The following UQCC1 variants were observed in gnomAD, a reference collection of about 807,000 sequenced individuals.
The protein encoded by UQCC1 is bFGF-repressed Zic-binding protein.
Under a neutral mutation model 48.0 loss-of-function variants are expected in UQCC1, and 38 were observed. The ratio of observed to expected loss-of-function variants is 0.79; its 90% CI spans 0.61 to 1.04. The LOEUF is 1.04. Ranked by LOEUF, UQCC1 falls within the 50% of genes least tolerant of loss-of-function variation. The probability of loss-of-function intolerance (pLI) is 0.00; values close to 1 mark genes in which losing one functional copy is unlikely to be tolerated. For synonymous variants in UQCC1, 111 were observed against 129.2 expected, an observed-to-expected ratio of 0.86 and a Z score of 0.95; for missense variants, 368 against 381.8, an observed-to-expected ratio of 0.96 and a Z score of 0.30.
intron 7 of UQCC1, among the ~76,000 whole-genome samples, chr20:35,342,863 C>T (rs192090407): frequency 6.6e-6 from 1 of 152,274 alleles, no homozygotes; most frequent in Admixed American, 6.5e-5. Flanking sequence ...TTAACACCTG[C>T]TTTTTGTACC....
chr20:35,400,705 C>A lies in UQCC1; in HGVS notation c.25-6509G>T, dbSNP rs563857332. Among the ~76,000 whole-genome samples the A allele has an allele frequency of 2.3e-4, 35 of 152,078 alleles. No homozygotes were observed. The South Asian group carries it at 7.1e-3, about 31-fold the overall frequency. On this transcript the variant is annotated intron_variant, in intron 1 of 9. Coordinates refer to ENST00000374385, the MANE Select transcript of UQCC1 (RefSeq NM_018244.5). ...AGAGATGGGGTTTCACCATGTTCGC[C>A]AGGATGGTCTTGATCTCCTGACCTT...
rs202205363 is a variant in UQCC1, at chr20:35,306,795, C to T, written c.652-16G>A. On this transcript the variant is annotated splice_polypyrimidine_tract_variant and intron_variant, in intron 8 of 9. Coordinates refer to ENST00000374385, the MANE Select transcript of UQCC1 (RefSeq NM_018244.5). ...AAAGGATCCCCTGGAACATACAGCACAGCAGTGGTCTCCTGAGGGATCCAC... is the reference window on the plus strand; with the variant it reads ...AAAGGATCCCCTGGAACATACAGCATAGCAGTGGTCTCCTGAGGGATCCAC... The T allele has an allele frequency of 1.5e-4, 239 of 1,592,206 alleles. 1 individual carries two copies. In the African/African-American group the frequency reaches 3.0e-3, roughly 20 times the overall value.
At chr20:35,337,390 T>C (rs1219233519) in intron 7 of UQCC1, among the ~76,000 whole-genome samples, 1 of 152,148 alleles carries the variant, frequency 6.6e-6, no homozygotes, top group Non-Finnish European at 1.5e-5. Context: ...GGTTTCACCA[T>C]GTTGGCCAGG....
chr20:35,366,481 C>T, intron 6 of UQCC1, 76 bp downstream of exon 6: 1 of 1,321,054 alleles, frequency 7.6e-7, no homozygotes, highest in African/African-American at 1.5e-5. Flanking sequence ...AATCAGCCCT[C>T]CTGAAGGCTA....
At chr20:35,379,300 A>G (rs2146475351) in intron 4 of UQCC1, among the ~76,000 whole-genome samples, 1 of 152,382 alleles carries the variant, frequency 6.6e-6, no homozygotes, top group East Asian at 1.9e-4. Context: ...TGATGTGGAC[A>G]GACATGCAGG....
chr20:35,360,771 A>G (rs1460289195), intron 6 of UQCC1, among the ~76,000 whole-genome samples: 2 of 152,196 alleles, frequency 1.3e-5, no homozygotes, highest in Non-Finnish European at 2.9e-5. Context: ...CCCAGGACAC[A>G]GATAGTGAGC....
intron 8 of UQCC1, among the ~76,000 whole-genome samples, chr20:35,312,967 G>T (rs1312383018): frequency 1.3e-5 from 2 of 152,190 alleles, no homozygotes; most frequent in Non-Finnish European, 2.9e-5. Context: ...GAAAAGCTCT[G>T]GAGATGAATG....
intron 7 of UQCC1, among the ~76,000 whole-genome samples, chr20:35,341,159 T>C (rs1332366564): frequency 6.1e-5 from 9 of 146,598 alleles, no homozygotes; most frequent in Non-Finnish European, 1.2e-4. Flanking sequence ...AGGCAGAGGT[T>C]GCAGTGAGCC....
At chr20:35,401,167 T>C (rs1419024011) in intron 1 of UQCC1, among the ~76,000 whole-genome samples, 1 of 152,228 alleles carries the variant, frequency 6.6e-6, no homozygotes, top group Non-Finnish European at 1.5e-5. Flanking sequence ...CTTGTTTTAT[T>C]GGTTTCTGTT....
At chr20:35,348,816 G>C (rs1054145413) in intron 6 of UQCC1, among the ~76,000 whole-genome samples, 2 of 152,110 alleles carry the variant, frequency 1.3e-5, no homozygotes, top group Non-Finnish European at 2.9e-5. Flanking sequence ...ACCACGCCCA[G>C]CTAATTTTTT....
At chr20:35,324,510 T>C (rs570936825) in intron 7 of UQCC1, among the ~76,000 whole-genome samples, 4 of 152,286 alleles carry the variant, frequency 2.6e-5, no homozygotes, top group East Asian at 1.9e-4. Context: ...GTATTTTTAG[T>C]AGAGACGGGG....
At chr20:35,355,809 G>C (rs1316398790) in intron 6 of UQCC1, among the ~76,000 whole-genome samples, 1 of 149,572 alleles carries the variant, frequency 6.7e-6, no homozygotes, top group African/African-American at 2.5e-5. Context: ...ACAAGTTTAT[G>C]TATGTGTGTA....
intron 1 of UQCC1, among the ~76,000 whole-genome samples, chr20:35,405,194 A>G (rs1347731232): frequency 1.3e-5 from 2 of 152,220 alleles, no homozygotes; most frequent in African/African-American, 2.4e-5. Flanking sequence ...GCTTCCAGGC[A>G]GTGAGAACAG....
At chr20:35,352,101 G>C (rs1404120748) in intron 6 of UQCC1, among the ~76,000 whole-genome samples, 1 of 152,254 alleles carries the variant, frequency 6.6e-6, no homozygotes, top group Non-Finnish European at 1.5e-5. Context: ...TGGCTGAGTA[G>C]AATCAGAGAA....
intron 7 of UQCC1, among the ~76,000 whole-genome samples, chr20:35,332,662 AC>A (rs1215758408): frequency 1.3e-5 from 2 of 152,228 alleles, no homozygotes; most frequent in Non-Finnish European, 2.9e-5. Context: ...AGCTCCCCAC[AC>A]CAGACAGGTT....
At chr20:35,330,038 G>A (rs1482372749) in intron 7 of UQCC1, among the ~76,000 whole-genome samples, 3 of 152,224 alleles carry the variant, frequency 2.0e-5, no homozygotes, top group African/African-American at 7.2e-5. Context: ...GACTCTGTGA[G>A]TTCACTCACT....
intron 7 of UQCC1, among the ~76,000 whole-genome samples, chr20:35,333,178 G>T (rs1262766193): frequency 6.6e-6 from 1 of 151,940 alleles, no homozygotes; most frequent in Non-Finnish European, 1.5e-5. Flanking sequence ...TTACTATGGC[G>T]GCCACAGCCA....
At chr20:35,391,210 A>G (rs779694086) in intron 2 of UQCC1, among the ~76,000 whole-genome samples, 2 of 152,192 alleles carry the variant, frequency 1.3e-5, no homozygotes, top group Non-Finnish European at 2.9e-5. Flanking sequence ...ATGAATAAAA[A>G]ATAAAAGAAA....
rs912869518 is a variant in UQCC1 at position 35,303,095 on chromosome 20, G to C, written c.*840C>G. 1.4e-4 allele frequency: 21 copies of C among 152,204 alleles called. 1 individual carries two copies. The highest frequency in any genetic ancestry group is 5.1e-4 in the African/African-American group (21 of 41,438). 9.4% of individuals were successfully genotyped at this position (152,204 alleles called of 1,614,324 possible). ...GGGTCTGCTACAACTAAGCCAGGAG[G>C]AATGTTCTCTTCTCCCCAGTATCTC... is the stretch of plus-strand genomic sequence containing the variant. On this transcript the variant is annotated 3_prime_UTR_variant, in exon 10 of 10. Coordinates refer to ENST00000374385, the MANE Select transcript of UQCC1 (RefSeq NM_018244.5).
Sources: allele counts gnomAD v4.1 joint callset (sites outside exome capture counted in the v4.1 genomes callset), GRCh38; gene constraint gnomAD v4.1.1; transcripts MANE v1.5; gene names NCBI Gene and HGNC (gene_info 2026-07-23, HGNC 2026-07-21).